The following VPS4B variants were observed in gnomAD, a reference collection of about 807,000 sequenced individuals.
The protein encoded by VPS4B is vacuolar protein sorting 4 homolog B.
VPS4B carries 23 observed loss-of-function variants against 56.1 expected under a neutral mutation model. The ratio of observed to expected loss-of-function variants is 0.41; its 90% CI spans 0.30 to 0.58. The LOEUF (loss-of-function observed/expected upper bound fraction) is 0.58, where lower values mean the gene tolerates loss of function less well. Ranked by LOEUF, VPS4B falls within the 20% of genes least tolerant of loss-of-function variation. VPS4B has a pLI of 0.29. For missense variants in VPS4B, 372 were observed against 531.9 expected, an observed-to-expected ratio of 0.70 and a Z score of 2.96; for synonymous variants, 177 against 186.0, an observed-to-expected ratio of 0.95 and a Z score of 0.39.
chr18:63,410,682 T>C (rs942707113), intron 2 of VPS4B, among the ~76,000 whole-genome samples: 3 of 152,346 alleles, frequency 2.0e-5, no homozygotes, highest in East Asian at 1.9e-4. Context: ...CAGCAGGGTA[T>C]ATTAAGTTAA....
chr18:63,417,276 G>C (rs1599367959), intron 1 of VPS4B, among the ~76,000 whole-genome samples: 2 of 151,898 alleles, frequency 1.3e-5, no homozygotes. Context: ...CTACCTTTTA[G>C]AGCCAAAAAT....
chr18:63,396,892 A>T (rs1227527661), intron 9 of VPS4B, 142 bp downstream of exon 9: 41 of 708,872 alleles, frequency 5.8e-5, no homozygotes, highest in East Asian at 4.9e-4. Context: ...CAGGAGGCTA[A>T]GGCATGAGAA....
Position 63,400,205 on chromosome 18 carries a change from A to C in VPS4B, c.642-9T>G. The C allele has an allele frequency of 5.0e-6, 8 of 1,584,412 alleles. No homozygotes were observed. The highest frequency in any genetic ancestry group is 6.8e-6 in the Non-Finnish European group (8 of 1,172,168). On this transcript the variant is annotated splice_polypyrimidine_tract_variant and intron_variant, in intron 6 of 10. Coordinates refer to ENST00000238497, the MANE Select transcript of VPS4B (RefSeq NM_004869.4). ...ATAAATTCTTAACCAGTCTAAAAAT[A>C]AATGAAAACTTTTAAGTCTCTAAAA...
chr18:63,414,439 T>C (rs1255724112), intron 1 of VPS4B, among the ~76,000 whole-genome samples: 1 of 152,168 alleles, frequency 6.6e-6, no homozygotes, highest in East Asian at 1.9e-4. Flanking sequence ...AAATCCTTTT[T>C]CTTTTTTCTT....
At chr18:63,414,904 T>C (rs1392175796) in intron 1 of VPS4B, among the ~76,000 whole-genome samples, 3 of 152,250 alleles carry the variant, frequency 2.0e-5, no homozygotes, top group Non-Finnish European at 4.4e-5. Flanking sequence ...GGGTATTATT[T>C]AAGCATCTAG....
At chr18:63,411,362 T>C (rs1449951116) in intron 2 of VPS4B, 105 bp downstream of exon 2, 1 of 800,180 alleles carries the variant, frequency 1.2e-6, no homozygotes, top group Non-Finnish European at 1.7e-6. Context: ...TTTTAACAAA[T>C]GGATCGTTTA....
At chr18:63,411,895 C>G (rs1916053611) in intron 1 of VPS4B, among the ~76,000 whole-genome samples, 1 of 151,824 alleles carries the variant, frequency 6.6e-6, no homozygotes, top group South Asian at 2.1e-4. Context: ...AAATTTAGGG[C>G]TAATAAGAAA....
intron 1 of VPS4B, among the ~76,000 whole-genome samples, chr18:63,421,463 C>T (rs77062214): frequency 2.0e-3 from 308 of 152,312 alleles, no homozygotes; most frequent in African/African-American, 6.7e-3. Flanking sequence ...GACTGGGAGT[C>T]CTCTACATTA....
intron 4 of VPS4B, among the ~76,000 whole-genome samples, chr18:63,406,644 T>C (rs902110948): frequency 6.6e-6 from 1 of 152,242 alleles, no homozygotes; most frequent in African/African-American, 2.4e-5. Flanking sequence ...AATAGATGCC[T>C]TTTTAGATAA....
intron 1 of VPS4B, among the ~76,000 whole-genome samples, chr18:63,413,100 AAAC>A (rs1417397692): frequency 2.2e-4 from 34 of 152,222 alleles, no homozygotes; most frequent in Non-Finnish European, 2.9e-5. Flanking sequence ...AAAACTGCAC[AAAC>A]AACCACACCC....
chr18:63,410,914 A>T (rs1916026412), intron 2 of VPS4B, among the ~76,000 whole-genome samples: 2 of 152,258 alleles, frequency 1.3e-5, no homozygotes. Context: ...CCAACATCGT[A>T]AATTTTACTA....
intron 8 of VPS4B, 82 bp from the exon 9 acceptor site, chr18:63,397,335 G>A (rs1915693971): frequency 7.8e-7 from 1 of 1,281,340 alleles, no homozygotes; most frequent in Non-Finnish European, 1.1e-6. Flanking sequence ...AAGTTAAGTG[G>A]GCCTGTATGT....
intron 1 of VPS4B, among the ~76,000 whole-genome samples, chr18:63,417,545 A>C (rs2144440463): frequency 6.6e-6 from 1 of 152,260 alleles, no homozygotes; most frequent in Middle Eastern, 3.4e-3. Context: ...GTGACAATGA[A>C]GTATATTCAT....
At position 63,397,066 on chromosome 18, in the gene VPS4B, TAACAGGCTGCA is replaced by T; in HGVS notation, c.1049_1059del (p.Met350LysfsTer10). On this transcript the variant is annotated frameshift_variant, in exon 9 of 11. Coordinates refer to ENST00000238497, the MANE Select transcript of VPS4B (RefSeq NM_004869.4). LOFTEE classifies it high-confidence loss of function. Reference sequence around the variant, plus strand: ...AAATGAGTAGCTGACTGTACTTTCCTAACAGGCTGCATAAGGGCATCACGTACAATGATACT... The same window carrying T: ...AAATGAGTAGCTGACTGTACTTTCCTTAAGGGCATCACGTACAATGATACT... The T allele has an allele frequency of 2.5e-6, 4 of 1,613,998 alleles. No homozygotes were observed. Among genetic ancestry groups the T allele is most frequent in the Non-Finnish European group, 3.4e-6 (4 of 1,179,992 alleles).
intron 8 of VPS4B, among the ~76,000 whole-genome samples, chr18:63,397,556 C>T (rs1438496033): frequency 6.6e-6 from 1 of 152,144 alleles, no homozygotes; most frequent in Non-Finnish European, 1.5e-5. Flanking sequence ...CAAAATTGTA[C>T]TCTGAACTCT....
At chr18:63,419,491 T>C (rs1271187373) in intron 1 of VPS4B, among the ~76,000 whole-genome samples, 1 of 152,172 alleles carries the variant, frequency 6.6e-6, no homozygotes. Context: ...ATCAATCCTT[T>C]CCACTTCATT....
At chr18:63,402,737 G>A (rs1326050759) in intron 5 of VPS4B, among the ~76,000 whole-genome samples, 1 of 152,194 alleles carries the variant, frequency 6.6e-6, no homozygotes, top group East Asian at 1.9e-4. Flanking sequence ...ATAGGATTAT[G>A]ATGTCAACTT....
chr18:63,418,379 C>G (rs1916217245), intron 1 of VPS4B, among the ~76,000 whole-genome samples: 2 of 152,098 alleles, frequency 1.3e-5, no homozygotes, highest in Non-Finnish European at 2.9e-5. Context: ...GTCTCCTTGC[C>G]TGGCTGTCAT....
chr18:63,418,895 T>C (rs1390975582), intron 1 of VPS4B, among the ~76,000 whole-genome samples: 1 of 152,182 alleles, frequency 6.6e-6, no homozygotes, highest in Non-Finnish European at 1.5e-5. Flanking sequence ...TAGTCCACTC[T>C]CCCTACTTCT....
Sources: gnomAD v4.1 joint callset for allele counts (sites outside exome capture counted in the v4.1 genomes callset) on GRCh38, gnomAD v4.1.1 for gene constraint, MANE v1.5 for transcripts, NCBI Gene and HGNC (gene_info 2026-07-23, HGNC 2026-07-21) for gene names.